The following CAST variants were observed in gnomAD, a reference collection of about 807,000 sequenced individuals.
CAST encodes MIR583 host.
Under a neutral mutation model 119.6 loss-of-function variants are expected in CAST, and 76 were observed. The observed-to-expected ratio is 0.64, with a 90% CI of 0.53 to 0.77. The LOEUF is 0.77. Ranked by LOEUF, CAST falls within the 30% of genes least tolerant of loss-of-function variation. CAST has a pLI of 0.00. For synonymous variants in CAST, 319 were observed against 331.6 expected (o/e 0.96, Z 0.41); for missense variants, 953 against 946.5 (o/e 1.01, Z -0.09).
At chr5:96,395,156 C>G in the CAST span, 1 of 764,414 alleles carries the variant, frequency 1.3e-6, no homozygotes. Context: ...GTGAAAGAAA[C>G]CATTGGATCC....
At chr5:96,469,857 A>G in the CAST span, among the ~76,000 whole-genome samples, 20 of 114,664 alleles carry the variant, frequency 1.7e-4, no homozygotes, top group Non-Finnish European at 2.8e-4. Flanking sequence ...ATATATATAT[A>G]TGTGTGTGTA....
At chr5:96,579,498 G>C (rs1746733307) in intron 1 of CAST, among the ~76,000 whole-genome samples, 1 of 152,156 alleles carries the variant, frequency 6.6e-6, no homozygotes. Flanking sequence ...TTTTCAGAGA[G>C]ACTCTCTTTT....
chr5:96,406,998 A>C, the CAST span, among the ~76,000 whole-genome samples: 3 of 152,224 alleles, frequency 2.0e-5, no homozygotes, highest in African/African-American at 7.2e-5. Context: ...ATGAGAAAAA[A>C]AAAGTTAAAT....
the CAST span, among the ~76,000 whole-genome samples, chr5:96,054,487 C>A: frequency 6.6e-6 from 1 of 151,946 alleles, no homozygotes; most frequent in Non-Finnish European, 1.5e-5. Flanking sequence ...ACGGCATAGT[C>A]CAGAGATCAG....
At chr5:96,500,645 T>C in the CAST span, among the ~76,000 whole-genome samples, 1 of 152,218 alleles carries the variant, frequency 6.6e-6, no homozygotes, top group Non-Finnish European at 1.5e-5. Flanking sequence ...ACAGGAAGGC[T>C]AATTTCTCTC....
the CAST span, among the ~76,000 whole-genome samples, chr5:95,991,506 T>G: frequency 4.2e-5 from 6 of 143,094 alleles, no homozygotes; most frequent in Admixed American, 6.9e-5. Flanking sequence ...TGTTTTTTTT[T>G]TTTTTTTTTT....
chr5:96,561,445 C>T lies in CAST; in HGVS notation c.60+31565C>T, dbSNP rs1024402810. On this transcript the variant is annotated intron_variant, in intron 1 of 11. Coordinates refer to the CAST transcript ENST00000505143. ...ATGGATGAAGCTGGAAACCTTCATT[C>T]GCAGCAAACTATCACAAGATCAGAA... Among the ~76,000 whole-genome samples, 5 of 151,544 alleles carry T rather than the reference C, an allele frequency of 3.3e-5. No individual in the cohort carries two copies. In the South Asian group the frequency reaches 6.2e-4, roughly 19 times the overall value.
chr5:96,240,378 T>A, the CAST span, among the ~76,000 whole-genome samples: 1 of 152,086 alleles, frequency 6.6e-6, no homozygotes, highest in African/African-American at 2.4e-5. Context: ...TTTCTCTCCA[T>A]GTTTGGTGAA....
intron 1 of CAST, among the ~76,000 whole-genome samples, chr5:96,534,118 A>C (rs569680646): frequency 6.6e-6 from 1 of 152,198 alleles, no homozygotes; most frequent in Non-Finnish European, 1.5e-5. Flanking sequence ...AGTTTTTCTG[A>C]TGAGCTCAGT....
At chr5:96,721,297 A>G (rs892087797) in intron 3 of CAST, among the ~76,000 whole-genome samples, 1 of 152,124 alleles carries the variant, frequency 6.6e-6, no homozygotes, top group Non-Finnish European at 1.5e-5. Context: ...TAAGTATACT[A>G]AAGCTTTGGA....
At chr5:96,395,640 A>G in the CAST span, among the ~76,000 whole-genome samples, 2,568 of 152,202 alleles carry the variant, frequency 0.017, 80 homozygotes, top group African/African-American at 0.058. Flanking sequence ...TGGGCCTGTC[A>G]GGGAGTAGGG....
At chr5:96,727,853 G>T (rs937760835) in intron 6 of CAST, among the ~76,000 whole-genome samples, 1 of 152,154 alleles carries the variant, frequency 6.6e-6, no homozygotes, top group African/African-American at 2.4e-5. Context: ...AAAAGGCAAA[G>T]AGTAGTAATG....
intron 1 of CAST, among the ~76,000 whole-genome samples, chr5:96,641,585 C>T (rs1228516707): frequency 6.6e-6 from 1 of 152,188 alleles, no homozygotes. Flanking sequence ...ACCCTTACGA[C>T]CTCACAGCCT....
At chr5:96,320,268 T>A in the CAST span, among the ~76,000 whole-genome samples, 1 of 146,192 alleles carries the variant, frequency 6.8e-6, no homozygotes, top group Admixed American at 6.9e-5. Context: ...ATGGAATTTT[T>A]GCCCAGGTTC....
chr5:96,382,110 T>A, the CAST span, among the ~76,000 whole-genome samples: 15 of 152,208 alleles, frequency 9.9e-5, no homozygotes, highest in African/African-American at 3.6e-4. Flanking sequence ...AGAAAGATAT[T>A]TCACTGCTGC....
the CAST span, among the ~76,000 whole-genome samples, chr5:96,049,764 A>G: frequency 5.3e-5 from 8 of 151,998 alleles, no homozygotes; most frequent in African/African-American, 1.9e-4. Flanking sequence ...GCTCAGGGGA[A>G]GTTAAGCTCC....
upstream of CAST, among the ~76,000 whole-genome samples, chr5:96,521,686 A>G (rs1449595742): frequency 2.0e-5 from 3 of 152,194 alleles, no homozygotes; most frequent in African/African-American, 4.8e-5. Context: ...TTGAAGGATA[A>G]GAATTATATT....
the CAST span, among the ~76,000 whole-genome samples, chr5:96,407,785 C>G: frequency 6.6e-6 from 1 of 152,128 alleles, no homozygotes; most frequent in African/African-American, 2.4e-5. Flanking sequence ...CTTACATATT[C>G]AAAGAAAGGA....
chr5:96,401,755 C>T, the CAST span, among the ~76,000 whole-genome samples: 1 of 152,116 alleles, frequency 6.6e-6, no homozygotes, highest in Non-Finnish European at 1.5e-5. Flanking sequence ...ATGTCTCTCT[C>T]CCTGGTTCTA....
Sources: gnomAD v4.1 joint callset for allele counts (sites outside exome capture counted in the v4.1 genomes callset) on GRCh38, gnomAD v4.1.1 for gene constraint, MANE v1.5 for transcripts, NCBI Gene and HGNC (gene_info 2026-07-23, HGNC 2026-07-21) for gene names.